The following RHBDD1 variants were observed in gnomAD, a reference collection of about 807,000 sequenced individuals.
The protein encoded by RHBDD1 is rhomboid domain containing 1.
Under a neutral mutation model 36.3 loss-of-function variants are expected in RHBDD1, and 38 were observed. The ratio of observed to expected loss-of-function variants is 1.05; its 90% CI spans 0.81 to 1.37. The LOEUF (loss-of-function observed/expected upper bound fraction) is 1.37. RHBDD1 is among the 40% of genes most tolerant of loss of function. The pLI is 0.00. For missense variants in RHBDD1, 393 were observed against 377.6 expected (o/e 1.04, Z -0.34); for synonymous variants, 151 against 136.5 (o/e 1.11, Z -0.74).
At chr2:226,966,261 T>G (rs1392061340) in intron 8 of RHBDD1, among the ~76,000 whole-genome samples, 2 of 152,196 alleles carry the variant, frequency 1.3e-5, no homozygotes, top group Non-Finnish European at 1.5e-5. Flanking sequence ...AAGAAATGCC[T>G]GCAATTTGGA....
At chr2:226,987,987 T>C (rs1156686914) in intron 8 of RHBDD1, among the ~76,000 whole-genome samples, 2 of 152,094 alleles carry the variant, frequency 1.3e-5, no homozygotes, top group Admixed American at 1.3e-4. Context: ...CTTCTGTGCA[T>C]AGGGCCAGGG....
intron 8 of RHBDD1, among the ~76,000 whole-genome samples, chr2:226,983,197 T>A (rs1956172358): frequency 6.6e-6 from 1 of 152,178 alleles, no homozygotes. Flanking sequence ...TGCACATTTC[T>A]GGGTCCCCCA....
chr2:226,910,528 TTACCAATTTTTCTA>T (rs927655399), intron 7 of RHBDD1, among the ~76,000 whole-genome samples: 1 of 152,150 alleles, frequency 6.6e-6, no homozygotes, highest in Non-Finnish European at 1.5e-5. Flanking sequence ...TAAAAAGCTG[TTACCAATTTTTCTA>T]ATCTTGGTGG....
At chr2:226,914,453 A>G (rs1948756585) in intron 8 of RHBDD1, 102 bp downstream of exon 8, 10 of 1,318,502 alleles carry the variant, frequency 7.6e-6, no homozygotes, top group Non-Finnish European at 1.0e-5. Flanking sequence ...AACAGTTCAG[A>G]AAAAGGATAT....
chr2:226,815,210 T>G, the RHBDD1 span, among the ~76,000 whole-genome samples: 1 of 152,354 alleles, frequency 6.6e-6, no homozygotes, highest in East Asian at 1.9e-4. Flanking sequence ...TAAGTAATTT[T>G]TTTCTTTCCA....
chr2:226,951,909 T>C (rs1488301529), intron 8 of RHBDD1, among the ~76,000 whole-genome samples: 2 of 152,234 alleles, frequency 1.3e-5, no homozygotes, highest in Non-Finnish European at 2.9e-5. Flanking sequence ...AGACCAAAGA[T>C]ATACTTTGCT....
intron 8 of RHBDD1, among the ~76,000 whole-genome samples, chr2:226,921,290 A>T (rs561755894): frequency 1.4e-4 from 21 of 152,132 alleles, no homozygotes; most frequent in African/African-American, 3.6e-4. Context: ...TATGTTTTCC[A>T]AAGAACAACT....
At chr2:226,924,752 C>T (rs1475787386) in intron 8 of RHBDD1, among the ~76,000 whole-genome samples, 1 of 152,156 alleles carries the variant, frequency 6.6e-6, no homozygotes, top group Non-Finnish European at 1.5e-5. Flanking sequence ...TCCCTGGGTG[C>T]TGGCTAAGTT....
At chr2:226,926,769 G>A (rs1326558409) in intron 8 of RHBDD1, among the ~76,000 whole-genome samples, 1 of 152,122 alleles carries the variant, frequency 6.6e-6, no homozygotes, top group East Asian at 1.9e-4. Flanking sequence ...TCCACATGAA[G>A]TGATACTATG....
At chr2:226,940,720 G>A (rs867613637) in intron 8 of RHBDD1, among the ~76,000 whole-genome samples, 17 of 152,262 alleles carry the variant, frequency 1.1e-4, no homozygotes, top group South Asian at 2.1e-4. Flanking sequence ...CAAACTTAGA[G>A]GTCATCATAT....
At chr2:226,888,250 G>A (rs370155849) in intron 5 of RHBDD1, among the ~76,000 whole-genome samples, 15 of 152,188 alleles carry the variant, frequency 9.9e-5, no homozygotes, top group South Asian at 4.1e-4. Flanking sequence ...ATAAGCCCTC[G>A]ACAAACGGAT....
chr2:226,964,200 T>C (rs1952444397), intron 8 of RHBDD1, among the ~76,000 whole-genome samples: 1 of 152,198 alleles, frequency 6.6e-6, no homozygotes, highest in Admixed American at 6.5e-5. Context: ...ACATTCATAT[T>C]GTCCTCTTCA....
At chr2:226,903,445 T>C (rs1295787174) in intron 5 of RHBDD1, among the ~76,000 whole-genome samples, 2 of 152,146 alleles carry the variant, frequency 1.3e-5, no homozygotes, top group Non-Finnish European at 2.9e-5. Context: ...GTTATGATTA[T>C]GAGATGAGAA....
At chr2:226,912,315 ACAGAATCGCCATGTGACGCAG>A (rs1948575038) in intron 7 of RHBDD1, among the ~76,000 whole-genome samples, 1 of 152,166 alleles carries the variant, frequency 6.6e-6, no homozygotes, top group African/African-American at 2.4e-5. Context: ...AGATAGTTAA[ACAGAATCGCCATGTGACGCAG>A]CAGTTCCACT....
At chr2:226,960,692 A>T (rs993663520) in intron 8 of RHBDD1, among the ~76,000 whole-genome samples, 1 of 152,224 alleles carries the variant, frequency 6.6e-6, no homozygotes, top group Non-Finnish European at 1.5e-5. Flanking sequence ...GTGGATTTCC[A>T]CTTGAAATAA....
intron 8 of RHBDD1, chr2:226,988,475 G>C: frequency 6.5e-7 from 1 of 1,545,420 alleles, no homozygotes; most frequent in Non-Finnish European, 8.7e-7. Context: ...CAGGGTCCCT[G>C]TAGTGGAGTT....
chr2:226,978,246 A>G (rs550025487), intron 8 of RHBDD1, among the ~76,000 whole-genome samples: 52 of 152,302 alleles, frequency 3.4e-4, no homozygotes, highest in Admixed American at 2.1e-3. Context: ...TTAAAATTCA[A>G]ATATTCAATT....
intron 8 of RHBDD1, among the ~76,000 whole-genome samples, chr2:226,961,310 C>T (rs1192649648): frequency 6.6e-6 from 1 of 152,136 alleles, no homozygotes; most frequent in Non-Finnish European, 1.5e-5. Flanking sequence ...AGATGGAGGG[C>T]ACTGGCACCA....
intron 5 of RHBDD1, among the ~76,000 whole-genome samples, chr2:226,875,654 A>T (rs6757007): frequency 0.05 from 7,569 of 152,240 alleles, 591 homozygotes; most frequent in African/African-American, 0.17. Flanking sequence ...ATGTATGTTG[A>T]GTGTTTGGAA....
Sources: allele counts gnomAD v4.1 joint callset (sites outside exome capture counted in the v4.1 genomes callset), GRCh38; gene constraint gnomAD v4.1.1; transcripts MANE v1.5; gene names NCBI Gene and HGNC (gene_info 2026-07-23, HGNC 2026-07-21).